The following MAP3K7 variants were observed in gnomAD, a reference collection of about 807,000 sequenced individuals.
MAP3K7 encodes the protein mitogen-activated protein kinase kinase kinase 7.
In MAP3K7, 21 loss-of-function variants were observed where a neutral mutation model predicts 84.8. That is an observed-to-expected ratio of 0.25 (90% CI 0.18 to 0.36). The LOEUF (loss-of-function observed/expected upper bound fraction) is 0.36. Among genes scored for constraint, MAP3K7 ranks in the 10% least tolerant of loss-of-function variants. MAP3K7 has a pLI of 1.00. For synonymous variants in MAP3K7, 241 were observed against 247.7 expected (o/e 0.97, Z 0.25); for missense variants, 503 against 747.7 (o/e 0.67, Z 3.82).
intron 1 of MAP3K7, among the ~76,000 whole-genome samples, chr6:90,582,486 AT>A (rs1403100452): frequency 6.6e-6 from 1 of 152,230 alleles, no homozygotes; most frequent in Non-Finnish European, 1.5e-5. Flanking sequence ...ATGAAAGATA[AT>A]AGAAATGACA....
intron 9 of MAP3K7, among the ~76,000 whole-genome samples, chr6:90,549,634 T>A (rs1012838499): frequency 6.6e-6 from 1 of 152,054 alleles, no homozygotes; most frequent in African/African-American, 2.4e-5. Flanking sequence ...GGTGGGAGGC[T>A]CAAAAAATTC....
rs140354312 is a variant in MAP3K7, at chr6:90,536,201, T to G, written c.1356+136A>C. 165 of 600,508 alleles carry G rather than the reference T, an allele frequency of 2.7e-4. 1 individual carries two copies. In the East Asian group the frequency reaches 4.4e-3, roughly 16 times the overall value. The allele number at this position is 600,508 out of a possible 1,614,324, so 37.2% of individuals were successfully genotyped here. A position where few individuals can be genotyped will look rare whatever the true frequency, so the allele number is the denominator to read the frequency against. On this transcript the variant is annotated intron_variant, in intron 13 of 16. Coordinates refer to ENST00000369329, the MANE Select transcript of MAP3K7 (RefSeq NM_145331.3). Reference sequence around the variant, plus strand: ...TATGTTTTTTTCCCCCCTAAGTATTTAAGTTCAGGTGCAATGAATTTCTCT... The same window carrying G: ...TATGTTTTTTTCCCCCCTAAGTATTGAAGTTCAGGTGCAATGAATTTCTCT...
At chr6:90,542,187 T>C (rs1019045604) in intron 12 of MAP3K7, 7 of 951,442 alleles carry the variant, frequency 7.4e-6, no homozygotes, top group Non-Finnish European at 8.8e-6. Flanking sequence ...AAATGTCATG[T>C]AGGAAATTTG....
chr6:90,586,712 G>A (rs1777472145), intron 1 of MAP3K7, 52 bp downstream of exon 1: 1 of 1,538,414 alleles, frequency 6.5e-7, no homozygotes, highest in South Asian at 1.2e-5. Flanking sequence ...ACCAGGCAGA[G>A]GCGGGGGCGG....
At chr6:90,561,851 T>C (rs1344396871) in intron 3 of MAP3K7, among the ~76,000 whole-genome samples, 184 bp from the exon 4 acceptor site, 1 of 152,188 alleles carries the variant, frequency 6.6e-6, no homozygotes, top group Non-Finnish European at 1.5e-5. Flanking sequence ...GACTGTCTTC[T>C]AGGAGTCCAC....
chr6:90,586,905 G>T lies in MAP3K7; in HGVS notation c.-22C>A, dbSNP rs1271159306. 3 of 1,598,556 alleles carry T rather than the reference G, an allele frequency of 1.9e-6. No homozygotes were observed. In the African/African-American group the frequency reaches 4.1e-5, roughly 22 times the overall value. ...ACATGATCCCTCGCGGCGCCCGGTGGGGCCGGGAACGGTGCCACCCGGACA... is the reference window on the plus strand; with the variant it reads ...ACATGATCCCTCGCGGCGCCCGGTGTGGCCGGGAACGGTGCCACCCGGACA... On this transcript the variant is annotated 5_prime_UTR_variant, in exon 1 of 17. Coordinates refer to ENST00000369329, the MANE Select transcript of MAP3K7 (RefSeq NM_145331.3).
chr6:90,516,042 C>T lies in MAP3K7; in HGVS notation c.*459G>A. 1.2e-5 allele frequency: 2 copies of T among 169,362 alleles called. No homozygotes were observed. Among genetic ancestry groups the T allele is most frequent in the Non-Finnish European group, 2.5e-5 (2 of 79,364 alleles). 10.5% of individuals were successfully genotyped at this position (169,362 alleles called of 1,614,324 possible). A position where few individuals can be genotyped will look rare whatever the true frequency, so the allele number is the denominator to read the frequency against. On this transcript the variant is annotated 3_prime_UTR_variant, in exon 17 of 17. Transcript: ENST00000369329. ...ACCAATCACTCTAAATTTATAATAC[C>T]CTGTCTTTAACTTGGTATATACCAT...
intron 13 of MAP3K7, among the ~76,000 whole-genome samples, chr6:90,536,088 A>G (rs1265226685): frequency 2.0e-5 from 3 of 152,174 alleles, no homozygotes; most frequent in Non-Finnish European, 4.4e-5. Context: ...TAACATATAT[A>G]CAGCGCTAAT....
intron 5 of MAP3K7, 144 bp downstream of exon 5, chr6:90,559,932 T>A: frequency 2.5e-6 from 2 of 797,288 alleles, no homozygotes; most frequent in Non-Finnish European, 2.0e-6. Flanking sequence ...TGAAGGTGAG[T>A]TAAAAGTAAA....
At chr6:90,535,210 T>G (rs1157662979) in intron 13 of MAP3K7, among the ~76,000 whole-genome samples, 1 of 152,030 alleles carries the variant, frequency 6.6e-6, no homozygotes, top group Non-Finnish European at 1.5e-5. Flanking sequence ...TGGTTTTTGG[T>G]AAGTTGGTTG....
chr6:90,531,220 CA>C (rs1775494931), intron 13 of MAP3K7, among the ~76,000 whole-genome samples: 1 of 152,010 alleles, frequency 6.6e-6, no homozygotes, highest in African/African-American at 2.4e-5. Flanking sequence ...ATTTTACAGA[CA>C]AAAATAAAGC....
At chr6:90,542,599 C>T (rs1052559588) in intron 12 of MAP3K7, 1 of 533,066 alleles carries the variant, frequency 1.9e-6, no homozygotes, top group African/African-American at 2.1e-5. Context: ...ATGGATGTGA[C>T]TTGGAGTCAG....
chr6:90,585,882 A>G (rs1777429472), intron 1 of MAP3K7, among the ~76,000 whole-genome samples: 1 of 152,238 alleles, frequency 6.6e-6, no homozygotes. Flanking sequence ...CACCTACATT[A>G]GCCCAACTGA....
rs201916480 is a variant in MAP3K7 at position 90,518,432 on chromosome 6, T to C, written c.1640+15A>G. 1 of 1,311,242 alleles carries C rather than the reference T, an allele frequency of 7.6e-7. No homozygotes were observed. The highest frequency in any genetic ancestry group is 1.8e-5 in the Admixed American group (1 of 54,586). The allele number at this position is 1,311,242 out of a possible 1,614,324, so 81.2% of individuals were successfully genotyped here. ...ACTAATGTATTTTTATTTTTATTCATAAAAAATAACTTACTTTCTCTGTAA... is the reference window on the plus strand; with the variant it reads ...ACTAATGTATTTTTATTTTTATTCACAAAAAATAACTTACTTTCTCTGTAA... On this transcript the variant is annotated intron_variant, in intron 16 of 16. Transcript: ENST00000369329.
Position 90,519,248 on chromosome 6 carries a change from A to G in MAP3K7, c.1524+10T>C, listed in dbSNP as rs1041571001. On this transcript the variant is annotated intron_variant, in intron 15 of 16. Transcript: ENST00000369329. ...AAAAGTCAACTTTCAATAAGAAAGT[A>G]CTCCTTTACCTGTAGTTGGTGATCC... 1.9e-6 allele frequency: 3 copies of G among 1,575,372 alleles called. No individual in the cohort carries two copies. The Admixed American group carries it at 5.3e-5, about 28-fold the overall frequency.
At chr6:90,573,197 G>A (rs945836925) in intron 1 of MAP3K7, among the ~76,000 whole-genome samples, 3 of 152,290 alleles carry the variant, frequency 2.0e-5, no homozygotes, top group Admixed American at 2.0e-4. Context: ...ATGCCAGGTA[G>A]TCTAACACGG....
At chr6:90,526,045 T>C (rs1775312069) in intron 13 of MAP3K7, among the ~76,000 whole-genome samples, 1 of 152,104 alleles carries the variant, frequency 6.6e-6, no homozygotes, top group African/African-American at 2.4e-5. Context: ...GATGGGATCT[T>C]GTTATGTTGC....
chr6:90,571,904 A>C (rs1364226829), intron 1 of MAP3K7, 97 bp from the exon 2 acceptor site: 5 of 518,838 alleles, frequency 9.6e-6, no homozygotes, highest in East Asian at 3.3e-5. Flanking sequence ...TCAATCTTTA[A>C]GACTTTAAAT....
intron 12 of MAP3K7, among the ~76,000 whole-genome samples, chr6:90,539,202 G>C (rs374262084): frequency 1.3e-4 from 20 of 151,846 alleles, no homozygotes; most frequent in East Asian, 1.2e-3. Flanking sequence ...TCACTGGAAA[G>C]GTCCGTCAGG....
Sources: gnomAD v4.1 joint callset for allele counts (sites outside exome capture counted in the v4.1 genomes callset) on GRCh38, gnomAD v4.1.1 for gene constraint, MANE v1.5 for transcripts, NCBI Gene and HGNC (gene_info 2026-07-23, HGNC 2026-07-21) for gene names.